CNTN6: variants seen among roughly 807,000 people sequenced by gnomAD.
CNTN6 encodes contactin-6.
Under a neutral mutation model 122.8 loss-of-function variants are expected in CNTN6, and 137 were observed. That is an observed-to-expected ratio of 1.12 (90% CI 0.97 to 1.29). CNTN6 has a LOEUF of 1.29. Ranked by LOEUF, CNTN6 falls within the 50% of genes most tolerant of loss-of-function variation. The pLI is 0.00. For missense variants in CNTN6, 1,634 were observed against 1,223.4 expected (o/e 1.34, Z -5.01); for synonymous variants, 570 against 426.0 (o/e 1.34, Z -4.16).
intron 5 of CNTN6, among the ~76,000 whole-genome samples, chr3:1,282,507 A>G (rs754042730): frequency 2.0e-5 from 3 of 152,190 alleles, no homozygotes; most frequent in Non-Finnish European, 2.9e-5. Flanking sequence ...CTATTCCCCA[A>G]TCAGAGATGG....
At chr3:1,164,851 A>G (rs898117306) in intron 2 of CNTN6, among the ~76,000 whole-genome samples, 1 of 152,210 alleles carries the variant, frequency 6.6e-6, no homozygotes, top group Admixed American at 6.5e-5. Context: ...CCTAGGGAGC[A>G]TGTTAATTCA....
chr3:1,108,142 T>C (rs2091313024), intron 1 of CNTN6, among the ~76,000 whole-genome samples: 1 of 152,002 alleles, frequency 6.6e-6, no homozygotes, highest in Admixed American at 6.6e-5. Context: ...AGAGAATAAA[T>C]GTTTTTTAAC....
chr3:1,368,229 G>A (rs1347409537), intron 12 of CNTN6, among the ~76,000 whole-genome samples: 5 of 152,166 alleles, frequency 3.3e-5, no homozygotes, highest in Admixed American at 1.3e-4. Flanking sequence ...CGAAAATCAT[G>A]AAGTCCCTTT....
intron 1 of CNTN6, among the ~76,000 whole-genome samples, chr3:1,097,453 G>A (rs2090591064): frequency 6.6e-6 from 1 of 152,186 alleles, no homozygotes; most frequent in African/African-American, 2.4e-5. Context: ...AACATGATGT[G>A]TCGTATGAAG....
At chr3:1,171,834 T>G (rs1285649339) in intron 2 of CNTN6, among the ~76,000 whole-genome samples, 2 of 152,118 alleles carry the variant, frequency 1.3e-5, no homozygotes, top group Non-Finnish European at 2.9e-5. Context: ...CTTGAACTCC[T>G]GGGTTCAAGC....
chr3:1,303,505 T>G (rs1334284467), intron 7 of CNTN6, among the ~76,000 whole-genome samples: 2 of 152,196 alleles, frequency 1.3e-5, no homozygotes, highest in Non-Finnish European at 1.5e-5. Context: ...ATCTCCACTC[T>G]TGCCCTTGGG....
chr3:1,245,651 C>T (rs2094573000), intron 4 of CNTN6, among the ~76,000 whole-genome samples: 1 of 150,754 alleles, frequency 6.6e-6, no homozygotes. Context: ...ATTCATGTAA[C>T]CAAACACCAC....
intron 1 of CNTN6, among the ~76,000 whole-genome samples, chr3:1,111,373 C>G (rs1343722373): frequency 1.3e-5 from 2 of 152,106 alleles, no homozygotes; most frequent in Non-Finnish European, 2.9e-5. Context: ...ATTTAATTCT[C>G]ATAAAAACCT....
chr3:1,116,538 G>A (rs949067537), intron 1 of CNTN6, among the ~76,000 whole-genome samples: 2 of 152,076 alleles, frequency 1.3e-5, no homozygotes, highest in African/African-American at 2.4e-5. Flanking sequence ...GACAACATTT[G>A]TATAGGCTTA....
intron 5 of CNTN6, among the ~76,000 whole-genome samples, chr3:1,289,802 G>A (rs1319517140): frequency 6.6e-6 from 1 of 151,502 alleles, no homozygotes; most frequent in African/African-American, 2.4e-5. Context: ...AGTCTCCCCA[G>A]CAGCTGGGAC....
Position 1,385,737 on chromosome 3 carries a change from T to G in CNTN6, c.2644T>G (p.Tyr882Asp), listed in dbSNP as rs1559994746. ...CATCTACTTTGCTTCCGTAAGAGCT[T>G]ACAACACTGCTGGGACAGGGCCCTC... ...NTIYFASVRA[Y>D]NTAGTGPSSP... Residue 882 changes from tyrosine (Y) to aspartate (D), a missense_variant, in exon 20 of 23, where the codon TAC becomes GAC. Physicochemically the swap from Tyr to Asp is radical, Grantham distance 160 (BLOSUM62 -3). Coordinates refer to ENST00000446702, the MANE Select transcript of CNTN6 (RefSeq NM_001289080.2). The G allele has an allele frequency of 1.2e-6, 2 of 1,614,118 alleles. No individual in the cohort carries two copies. Among genetic ancestry groups the G allele is most frequent in the Non-Finnish European group, 1.7e-6 (2 of 1,179,962 alleles).
At chr3:1,306,687 T>G (rs951365572) in intron 7 of CNTN6, among the ~76,000 whole-genome samples, 2 of 152,162 alleles carry the variant, frequency 1.3e-5, no homozygotes, top group African/African-American at 4.8e-5. Flanking sequence ...TTGTAAGGAC[T>G]GGAAATACTA....
chr3:1,242,096 GA>G (rs1453900254), intron 4 of CNTN6, among the ~76,000 whole-genome samples: 1 of 152,204 alleles, frequency 6.6e-6, no homozygotes, highest in Non-Finnish European at 1.5e-5. Context: ...GTGTTTTTAT[GA>G]GAATTATGCT....
chr3:1,274,272 C>T (rs1395307930), intron 4 of CNTN6, among the ~76,000 whole-genome samples: 1 of 152,130 alleles, frequency 6.6e-6, no homozygotes, highest in Non-Finnish European at 1.5e-5. Flanking sequence ...GGCAATAGTT[C>T]ACATCAACAG....
intron 10 of CNTN6, among the ~76,000 whole-genome samples, chr3:1,329,189 A>G (rs532669760): frequency 6.6e-6 from 1 of 151,422 alleles, no homozygotes; most frequent in East Asian, 2.0e-4. Flanking sequence ...ACACACATAC[A>G]TATATACATG....
At chr3:1,391,588 T>A (rs1215952451) in intron 20 of CNTN6, among the ~76,000 whole-genome samples, 4 of 149,644 alleles carry the variant, frequency 2.7e-5, no homozygotes, top group Non-Finnish European at 5.9e-5. Context: ...TAAAGGGTAT[T>A]CAATTAGGAA....
intron 2 of CNTN6, among the ~76,000 whole-genome samples, chr3:1,205,319 C>T (rs1174198718): frequency 6.6e-6 from 1 of 152,122 alleles, no homozygotes; most frequent in Non-Finnish European, 1.5e-5. Context: ...TGTTGTTTTA[C>T]ACCATTGAGT....
intron 2 of CNTN6, among the ~76,000 whole-genome samples, chr3:1,158,035 T>A (rs1215195505): frequency 6.6e-6 from 1 of 152,220 alleles, no homozygotes; most frequent in African/African-American, 2.4e-5. Context: ...CTGGATCATA[T>A]GGGGGCCCTA....
At chr3:1,128,499 A>G (rs963208187) in intron 1 of CNTN6, 4 of 152,056 alleles carry the variant, frequency 2.6e-5, no homozygotes, top group Non-Finnish European at 5.9e-5. Flanking sequence ...CTAACACTCA[A>G]TGAAGCAAAG....
Sources: gnomAD v4.1 joint callset for allele counts (sites outside exome capture counted in the v4.1 genomes callset) on GRCh38, gnomAD v4.1.1 for gene constraint, MANE v1.5 for transcripts, NCBI Gene and HGNC (gene_info 2026-07-23, HGNC 2026-07-21) for gene names.